The following SUPT3H variants were observed in gnomAD, a reference collection of about 807,000 sequenced individuals.
SUPT3H encodes SPT3 homolog, SAGA and STAGA complex component.
In SUPT3H, 44 loss-of-function variants were observed where a neutral mutation model predicts 44.3. The observed-to-expected ratio is 0.99, with a 90% CI of 0.78 to 1.28. SUPT3H has a LOEUF of 1.28. Ranked by LOEUF, SUPT3H falls within the 50% of genes most tolerant of loss-of-function variation. The pLI is 0.00. For missense variants in SUPT3H, 380 were observed against 387.1 expected, an observed-to-expected ratio of 0.98 and a Z score of 0.15; for synonymous variants, 124 against 125.6, an observed-to-expected ratio of 0.99 and a Z score of 0.09.
At chr6:44,886,487 T>G (rs1279063488) in intron 10 of SUPT3H, among the ~76,000 whole-genome samples, 1 of 152,176 alleles carries the variant, frequency 6.6e-6, no homozygotes, top group African/African-American at 2.4e-5. Context: ...AAAAGAACTT[T>G]CAACCCAGAA....
chr6:45,050,107 A>C (rs1364874500), intron 3 of SUPT3H, among the ~76,000 whole-genome samples: 5 of 152,102 alleles, frequency 3.3e-5, no homozygotes, highest in Non-Finnish European at 7.4e-5. Flanking sequence ...TTCCACCCAC[A>C]AGGACATCAT....
intron 10 of SUPT3H, among the ~76,000 whole-genome samples, chr6:44,888,857 C>G (rs1007075277): frequency 1.3e-5 from 2 of 148,590 alleles, no homozygotes; most frequent in African/African-American, 5.0e-5. Context: ...GATTGTATAT[C>G]TAGAAAACCC....
At chr6:45,314,641 A>G (rs1235169931) in intron 2 of SUPT3H, among the ~76,000 whole-genome samples, 2 of 152,138 alleles carry the variant, frequency 1.3e-5, no homozygotes, top group Non-Finnish European at 2.9e-5. Flanking sequence ...AATTACAGAC[A>G]ACACAAACAA....
chr6:45,035,334 T>C (rs1787520144), intron 3 of SUPT3H, among the ~76,000 whole-genome samples: 1 of 152,048 alleles, frequency 6.6e-6, no homozygotes, highest in African/African-American at 2.4e-5. Context: ...ACTTCAGGAG[T>C]GTGTATGGAC....
chr6:45,232,377 C>T (rs954435564), intron 2 of SUPT3H, among the ~76,000 whole-genome samples: 4 of 152,138 alleles, frequency 2.6e-5, no homozygotes. Flanking sequence ...TCAGTAGATC[C>T]TATGGTAATG....
chr6:45,212,509 G>A (rs1584285071), intron 2 of SUPT3H, among the ~76,000 whole-genome samples: 2 of 23,082 alleles, frequency 8.7e-5, no homozygotes, highest in Admixed American at 3.4e-4. Flanking sequence ...GTGTGTGTGT[G>A]TGTGTGTGTG....
chr6:45,360,694 A>G (rs1794101227), intron 2 of SUPT3H, among the ~76,000 whole-genome samples: 1 of 151,984 alleles, frequency 6.6e-6, no homozygotes, highest in Non-Finnish European at 1.5e-5. Flanking sequence ...TATCCCAAAC[A>G]CTCTCAGGAG....
At chr6:45,022,752 CAG>C (rs1298031492) in intron 3 of SUPT3H, among the ~76,000 whole-genome samples, 2 of 151,964 alleles carry the variant, frequency 1.3e-5, no homozygotes, top group Non-Finnish European at 2.9e-5. Context: ...CAAGTGAAGA[CAG>C]AAATCTTATT....
chr6:45,183,846 A>G (rs899163878), intron 2 of SUPT3H, among the ~76,000 whole-genome samples: 10 of 152,210 alleles, frequency 6.6e-5, no homozygotes, highest in Admixed American at 2.0e-4. Flanking sequence ...CTACTGTATG[A>G]TTCTGATACA....
At chr6:44,932,407 A>T (rs1322699018) in intron 10 of SUPT3H, among the ~76,000 whole-genome samples, 1 of 152,196 alleles carries the variant, frequency 6.6e-6, no homozygotes, top group African/African-American at 2.4e-5. Context: ...TAGAAACTAT[A>T]AACCTCAACA....
chr6:45,307,822 A>G (rs1219834753), intron 2 of SUPT3H, among the ~76,000 whole-genome samples: 1 of 152,214 alleles, frequency 6.6e-6, no homozygotes, highest in Admixed American at 6.5e-5. Flanking sequence ...AGCTTCTCCG[A>G]GCTAAAGGAG....
chr6:45,131,762 C>T (rs1253742379), intron 2 of SUPT3H, among the ~76,000 whole-genome samples: 3 of 152,088 alleles, frequency 2.0e-5, no homozygotes, highest in Admixed American at 6.6e-5. Flanking sequence ...CAAAAAGCAA[C>T]ATGAATAGAG....
chr6:45,327,597 C>T (rs952464033), intron 2 of SUPT3H, among the ~76,000 whole-genome samples: 5 of 151,718 alleles, frequency 3.3e-5, no homozygotes, highest in African/African-American at 9.7e-5. Flanking sequence ...TTGTAAAGGC[C>T]GCCATCTAAT....
chr6:45,220,892 T>C (rs1249528931), intron 2 of SUPT3H, among the ~76,000 whole-genome samples: 2 of 152,238 alleles, frequency 1.3e-5, no homozygotes, highest in Non-Finnish European at 2.9e-5. Flanking sequence ...CAAAGGATTA[T>C]AAATCATGCT....
chr6:45,050,796 C>T lies in SUPT3H; in HGVS notation c.187-30164G>A, dbSNP rs1333776808. On this transcript the variant is annotated intron_variant, in intron 3 of 10. Coordinates refer to ENST00000371459, the MANE Select transcript of SUPT3H (RefSeq NM_003599.4). ...GTTTATATATTGGCTAATTATTCTC[C>T]GAATAATCTAGTAAAGAGTAGAAAT... 4.0e-5 allele frequency among the ~76,000 whole-genome samples: 6 copies of T among 151,174 alleles called. No individual in the cohort carries two copies. The East Asian group carries it at 5.8e-4, about 15-fold the overall frequency.
chr6:44,877,035 G>C (rs554646972), intron 10 of SUPT3H, among the ~76,000 whole-genome samples: 3 of 152,284 alleles, frequency 2.0e-5, no homozygotes, highest in South Asian at 4.1e-4. Flanking sequence ...GTTATGTCTA[G>C]TGTATTTCTA....
chr6:45,009,725 T>A (rs557098354), intron 5 of SUPT3H, among the ~76,000 whole-genome samples: 6 of 152,310 alleles, frequency 3.9e-5, no homozygotes, highest in African/African-American at 1.4e-4. Flanking sequence ...TTATGGTAAG[T>A]TTTGAAATCA....
intron 2 of SUPT3H, among the ~76,000 whole-genome samples, chr6:45,351,585 T>C (rs140274965): frequency 7.6e-4 from 116 of 152,302 alleles, no homozygotes; most frequent in South Asian, 7.2e-3. Context: ...TCTGTTACAT[T>C]TTCTGTTCCT....
intron 2 of SUPT3H, among the ~76,000 whole-genome samples, chr6:45,128,111 A>G (rs1197895331): frequency 6.6e-6 from 1 of 152,038 alleles, no homozygotes. Flanking sequence ...AGCTTGCCCA[A>G]TCCTTATGAC....
Sources: allele counts gnomAD v4.1 joint callset (sites outside exome capture counted in the v4.1 genomes callset), GRCh38; gene constraint gnomAD v4.1.1; transcripts MANE v1.5; gene names NCBI Gene and HGNC (gene_info 2026-07-23, HGNC 2026-07-21).